Variants in TNS3 observed in about 807,000 individuals in gnomAD.
The protein encoded by TNS3 is tensin 3.
A neutral mutation model predicts 140.9 loss-of-function variants in TNS3; 45 were observed. The observed-to-expected ratio is 0.32, with a 90% CI of 0.25 to 0.41. The LOEUF (loss-of-function observed/expected upper bound fraction) is 0.41, where lower values mean the gene tolerates loss of function less well. TNS3 is among the 10% of genes least tolerant of loss of function. The pLI, the probability that TNS3 is intolerant of heterozygous loss-of-function variation, is 1.00. For synonymous variants in TNS3, 815 were observed against 788.4 expected (o/e 1.03, Z -0.56); for missense variants, 1,716 against 1,906.7 (o/e 0.90, Z 1.86).
intron 1 of TNS3, among the ~76,000 whole-genome samples, chr7:47,531,655 G>T (rs1204411369): frequency 6.6e-6 from 1 of 152,224 alleles, no homozygotes; most frequent in African/African-American, 2.4e-5. Context: ...ATAGCACAAA[G>T]TTCAGGAAAG....
intron 16 of TNS3, among the ~76,000 whole-genome samples, chr7:47,376,164 TG>T (rs1317420719): frequency 6.6e-6 from 1 of 152,170 alleles, no homozygotes; most frequent in African/African-American, 2.4e-5. Flanking sequence ...CCAGTCCTGA[TG>T]ATGTGCTGGA....
chr7:47,480,892 C>G (rs181566242), intron 4 of TNS3, among the ~76,000 whole-genome samples: 11 of 152,358 alleles, frequency 7.2e-5, no homozygotes, highest in African/African-American at 2.4e-4. Flanking sequence ...AAAGGCGCAG[C>G]GGATCCTCTT....
intron 4 of TNS3, among the ~76,000 whole-genome samples, chr7:47,450,880 T>C (rs928139034): frequency 1.3e-5 from 2 of 152,242 alleles, no homozygotes; most frequent in African/African-American, 4.8e-5. Flanking sequence ...CTCACACCTG[T>C]AATCCCAGCA....
At chr7:47,542,687 T>C (rs974923647) in intron 1 of TNS3, among the ~76,000 whole-genome samples, 4 of 151,858 alleles carry the variant, frequency 2.6e-5, no homozygotes, top group Non-Finnish European at 5.9e-5. Flanking sequence ...TCCCAACACT[T>C]TGGGAGGCTG....
intron 17 of TNS3, among the ~76,000 whole-genome samples, chr7:47,361,207 A>AAAAAAAAAAAAAAAAAAAC (rs1790302924): frequency 1.1e-5 from 1 of 89,994 alleles, no homozygotes; most frequent in Non-Finnish European, 2.2e-5. Flanking sequence ...TAACCATGCC[A>AAAAAAAAAAAAAAAAAAAC]AAAAAAAAAA....
chr7:47,292,483 C>T (rs1785764059), intron 26 of TNS3, among the ~76,000 whole-genome samples: 2 of 152,316 alleles, frequency 1.3e-5, no homozygotes, highest in East Asian at 3.9e-4. Flanking sequence ...ACAACATCAA[C>T]ATTTTGCCCA....
At chr7:47,363,801 G>A (rs79347678) in intron 17 of TNS3, among the ~76,000 whole-genome samples, 2,219 of 152,270 alleles carry the variant, frequency 0.015, 54 homozygotes, top group African/African-American at 0.047. Flanking sequence ...ACACAGATGT[G>A]GAAATGATGC....
chr7:47,356,923 CA>C (rs35835302), intron 17 of TNS3, among the ~76,000 whole-genome samples: 124 of 131,822 alleles, frequency 9.4e-4, no homozygotes, highest in African/African-American at 1.3e-3. Flanking sequence ...CAGAAAAATA[CA>C]AAAAAAAAAA....
At chr7:47,533,429 CT>C (rs1554350879) in intron 1 of TNS3, among the ~76,000 whole-genome samples, 180 of 144,004 alleles carry the variant, frequency 1.2e-3, no homozygotes, top group Non-Finnish European at 1.2e-3. Context: ...CGCACCTGGC[CT>C]TTTTTTTTTT....
chr7:47,494,746 G>T (rs1191137840), intron 3 of TNS3, among the ~76,000 whole-genome samples: 3 of 152,182 alleles, frequency 2.0e-5, no homozygotes, highest in African/African-American at 7.2e-5. Context: ...AGCTGCTCCC[G>T]GGAGGCGGAG....
At chr7:47,565,774 C>T (rs1166350593) in intron 1 of TNS3, among the ~76,000 whole-genome samples, 1 of 152,302 alleles carries the variant, frequency 6.6e-6, no homozygotes, top group East Asian at 1.9e-4. Flanking sequence ...ACACCAACCT[C>T]GCTTTCCAAT....
At chr7:47,375,378 C>A (rs907931198) in intron 16 of TNS3, among the ~76,000 whole-genome samples, 1 of 152,328 alleles carries the variant, frequency 6.6e-6, no homozygotes, top group Non-Finnish European at 1.5e-5. Flanking sequence ...AGTTAAAAAT[C>A]CAACAAACAT....
intron 20 of TNS3, among the ~76,000 whole-genome samples, chr7:47,319,512 C>T (rs145993724): frequency 2.0e-5 from 3 of 152,226 alleles, no homozygotes; most frequent in African/African-American, 7.2e-5. Context: ...ACCATGAGGA[C>T]AGCACCAAGC....
At chr7:47,446,013 C>T (rs1416372845) in intron 4 of TNS3, among the ~76,000 whole-genome samples, 1 of 151,086 alleles carries the variant, frequency 6.6e-6, no homozygotes, top group African/African-American at 2.4e-5. Flanking sequence ...CTGAGAAACC[C>T]GAAATCCTAA....
chr7:47,464,335 G>C (rs1326089604), intron 4 of TNS3, among the ~76,000 whole-genome samples: 1 of 152,176 alleles, frequency 6.6e-6, no homozygotes, highest in Non-Finnish European at 1.5e-5. Context: ...ATCTGCCCGG[G>C]ATGGAAAGAA....
chr7:47,447,248 ATGTTTGTTTGTTTGTT>A lies in TNS3; in HGVS notation c.-75-5209_-75-5194del, dbSNP rs3037478. On this transcript the variant is annotated intron_variant, in intron 4 of 30. Coordinates refer to ENST00000311160, the MANE Select transcript of TNS3 (RefSeq NM_022748.12). Reference sequence around the variant, plus strand: ...CTGGAGGGTCATTCTGGTTCCACATATGTTTGTTTGTTTGTTTGTTTGTTTGTTTGTTTGTTTGTTT... The same window carrying A: ...CTGGAGGGTCATTCTGGTTCCACATATGTTTGTTTGTTTGTTTGTTTGTTT... Among the ~76,000 whole-genome samples the A allele has an allele frequency of 3.9e-3, 575 of 149,190 alleles. 4 individuals carry two copies. The highest frequency in any genetic ancestry group is 0.013 in the African/African-American group (522 of 40,482).
At position 47,413,927 on chromosome 7, in the gene TNS3, C is replaced by T. The variant is rs1422980009; in HGVS notation, c.647+10G>A. On this transcript the variant is annotated intron_variant, in intron 12 of 30. Coordinates refer to ENST00000311160, the MANE Select transcript of TNS3 (RefSeq NM_022748.12). Reference sequence around the variant, plus strand: ...CCCACAACAGCAGCAGCAGCAGCAGCAGCACTCACTAGATCCCGGAGGTGT... The same window carrying T: ...CCCACAACAGCAGCAGCAGCAGCAGTAGCACTCACTAGATCCCGGAGGTGT... 5 of 1,613,558 alleles carry T rather than the reference C, an allele frequency of 3.1e-6. No individual in the cohort carries two copies. The highest frequency in any genetic ancestry group is 1.7e-5 in the Admixed American group (1 of 59,982).
chr7:47,335,891 A>G (rs1788604191), intron 20 of TNS3, among the ~76,000 whole-genome samples: 1 of 152,120 alleles, frequency 6.6e-6, no homozygotes. Context: ...CAGAGCCACT[A>G]TATGTGTGCA....
At chr7:47,542,803 G>A (rs370602794) in intron 1 of TNS3, among the ~76,000 whole-genome samples, 8 of 151,810 alleles carry the variant, frequency 5.3e-5, no homozygotes, top group East Asian at 2.0e-4. Context: ...GGTGGTGGGC[G>A]CCTGTAATCC....
Sources: gnomAD v4.1 joint callset for allele counts (sites outside exome capture counted in the v4.1 genomes callset) on GRCh38, gnomAD v4.1.1 for gene constraint, MANE v1.5 for transcripts, NCBI Gene and HGNC (gene_info 2026-07-23, HGNC 2026-07-21) for gene names.